The following WASHC3 variants were observed in gnomAD, a reference collection of about 807,000 sequenced individuals.
The protein encoded by WASHC3 is WASH complex subunit 3, also known as WASH complex subunit CCDC53.
Under a neutral mutation model 26.1 loss-of-function variants are expected in WASHC3, and 24 were observed. The ratio of observed to expected loss-of-function variants is 0.92; its 90% CI spans 0.66 to 1.29. The LOEUF (loss-of-function observed/expected upper bound fraction) is 1.29. WASHC3 is among the 50% of genes most tolerant of loss of function. The pLI is 0.00. For synonymous variants in WASHC3, 77 were observed against 75.7 expected, an observed-to-expected ratio of 1.02 and a Z score of -0.09; for missense variants, 214 against 229.6, an observed-to-expected ratio of 0.93 and a Z score of 0.44.
At chr12:102,046,730 C>A (rs931291088) in intron 2 of WASHC3, among the ~76,000 whole-genome samples, 2 of 152,116 alleles carry the variant, frequency 1.3e-5, no homozygotes, top group African/African-American at 4.8e-5. Flanking sequence ...TACTACTGTA[C>A]CTTTAGTGCC....
At chr12:102,062,112 C>T, upstream of WASHC3, 1 of 625,218 alleles carries the variant, frequency 1.6e-6, no homozygotes, top group South Asian at 2.0e-5. Context: ...TCACTAATCA[C>T]TCGGCGGCTT....
intron 2 of WASHC3, chr12:102,050,100 C>G (rs931755195): frequency 2.9e-5 from 8 of 272,038 alleles, no homozygotes; most frequent in African/African-American, 1.9e-4. Flanking sequence ...GGCAGATGAG[C>G]TCAGGAGTTC....
In WASHC3 at chr12:102,061,661, C is replaced by T. The variant is rs954959003; in HGVS notation, c.51+251G>A. On this transcript the variant is annotated intron_variant, in intron 1 of 6. Transcript: ENST00000240079. ...TAGCTATCGCAACCGGCGTGTGTCG[C>T]CGGCGGCAGAGAGACAAGCGAGATG... 3.9e-5 allele frequency among the ~76,000 whole-genome samples: 6 copies of T among 152,180 alleles called. No homozygotes were observed. The South Asian group carries it at 1.0e-3, about 26-fold the overall frequency.
rs142587718 is a variant in WASHC3, at chr12:102,032,318, C to A, written c.436-6280G>T. ...TTGGCAAATATGGTTTCAAAAAATACAAGTCATTAGCTTCTTAATGTGGAA... is the reference window on the plus strand; with the variant it reads ...TTGGCAAATATGGTTTCAAAAAATAAAAGTCATTAGCTTCTTAATGTGGAA... On this transcript the variant is annotated intron_variant, in intron 5 of 6. Transcript: ENST00000240079. Among the ~76,000 whole-genome samples, 1,198 of 152,216 alleles carry A rather than the reference C, an allele frequency of 7.9e-3. 7 individuals carry two copies. Among genetic ancestry groups the A allele is most frequent in the South Asian group, 0.024 (115 of 4,826 alleles).
At chr12:102,041,120 T>C (rs1222734961) in intron 4 of WASHC3, among the ~76,000 whole-genome samples, 2 of 151,352 alleles carry the variant, frequency 1.3e-5, no homozygotes, top group East Asian at 1.9e-4. Flanking sequence ...TATACATATA[T>C]ATACACACAC....
rs1876542336 is a variant in WASHC3, at chr12:102,013,009, C to T, written c.*99G>A. The T allele has an allele frequency of 1.8e-6, 1 of 565,304 alleles. No individual in the cohort carries two copies. The highest frequency in any genetic ancestry group is 3.1e-6 in the Non-Finnish European group (1 of 322,814). The allele number at this position is 565,304 out of a possible 1,614,324, so 35.0% of individuals were successfully genotyped here. A position where few individuals can be genotyped will look rare whatever the true frequency, so the allele number is the denominator to read the frequency against. On this transcript the variant is annotated 3_prime_UTR_variant, in exon 7 of 7. Transcript: ENST00000240079. ...AGAAGCTTGGTAGTGGACATGTGGC[C>T]ATTTGATGTTTTTATGACTAAGAGA...
intron 5 of WASHC3, among the ~76,000 whole-genome samples, chr12:102,027,057 CAAAT>C (rs971795047): frequency 3.3e-5 from 5 of 152,232 alleles, no homozygotes; most frequent in East Asian, 1.9e-4. Flanking sequence ...TTTTAATTGA[CAAAT>C]AATAATTGCA....
chr12:102,055,386 C>A (rs1356829713), intron 2 of WASHC3, among the ~76,000 whole-genome samples: 1 of 152,120 alleles, frequency 6.6e-6, no homozygotes, highest in Admixed American at 6.6e-5. Context: ...TGCTCTGTCA[C>A]CCAGGCTGGA....
intron 6 of WASHC3, among the ~76,000 whole-genome samples, chr12:102,024,811 A>G (rs1877104868): frequency 6.6e-6 from 1 of 152,226 alleles, no homozygotes; most frequent in Non-Finnish European, 1.5e-5. Flanking sequence ...ATGAATACCA[A>G]AATGGATTGA....
chr12:102,048,990 T>A (rs1268378836), intron 2 of WASHC3, among the ~76,000 whole-genome samples: 1 of 152,238 alleles, frequency 6.6e-6, no homozygotes, highest in East Asian at 1.9e-4. Flanking sequence ...AGAGCCATTG[T>A]CAGGTGAAAA....
chr12:102,057,717 C>T (rs1878646544), intron 2 of WASHC3, among the ~76,000 whole-genome samples: 1 of 151,768 alleles, frequency 6.6e-6, no homozygotes, highest in Non-Finnish European at 1.5e-5. Flanking sequence ...GGTGAAAGAT[C>T]TGTACACTGA....
At chr12:102,013,245 C>T in intron 6 of WASHC3, 53 bp from the exon 7 acceptor site, 1 of 826,306 alleles carries the variant, frequency 1.2e-6, no homozygotes, top group Non-Finnish European at 2.0e-6. Flanking sequence ...GAAAAGAGCA[C>T]TTACAAACTC....
intron 5 of WASHC3, among the ~76,000 whole-genome samples, chr12:102,036,785 AG>A (rs1294364692): frequency 1.3e-5 from 2 of 152,192 alleles, no homozygotes; most frequent in Non-Finnish European, 2.9e-5. Flanking sequence ...AAGGAGACAA[AG>A]GGCTAACAAC....
intron 3 of WASHC3, among the ~76,000 whole-genome samples, chr12:102,044,715 A>C (rs1339914148): frequency 2.0e-5 from 3 of 152,222 alleles, no homozygotes; most frequent in Non-Finnish European, 2.9e-5. Context: ...TGTGTGACAC[A>C]GCTCATTCTT....
intron 5 of WASHC3, among the ~76,000 whole-genome samples, chr12:102,030,137 A>C (rs555963050): frequency 1.1e-3 from 165 of 152,036 alleles, no homozygotes; most frequent in African/African-American, 3.8e-3. Flanking sequence ...CTCTACTAAA[A>C]ACACAAAATT....
intron 5 of WASHC3, among the ~76,000 whole-genome samples, chr12:102,036,872 G>C (rs1286062214): frequency 3.3e-5 from 5 of 152,050 alleles, no homozygotes; most frequent in African/African-American, 7.2e-5. Flanking sequence ...GTGACATCAA[G>C]CAAAAAGGAT....
chr12:102,050,276 C>T (rs1463499134), intron 2 of WASHC3: 3 of 454,130 alleles, frequency 6.6e-6, no homozygotes, highest in Non-Finnish European at 1.3e-5. Flanking sequence ...GCATGGGTGA[C>T]AAAGTGAGAC....
intron 5 of WASHC3, among the ~76,000 whole-genome samples, chr12:102,027,562 T>C (rs1432737236): frequency 6.6e-6 from 1 of 152,200 alleles, no homozygotes; most frequent in Non-Finnish European, 1.5e-5. Context: ...CTCATTTTTT[T>C]AATAAGAAAA....
chr12:102,017,950 G>T, intron 6 of WASHC3: 1 of 268,120 alleles, frequency 3.7e-6, no homozygotes, highest in South Asian at 3.4e-5. Context: ...CTGAATCTCT[G>T]TACTCATTTA....
Sources: allele counts gnomAD v4.1 joint callset (sites outside exome capture counted in the v4.1 genomes callset), GRCh38; gene constraint gnomAD v4.1.1; transcripts MANE v1.5; gene names NCBI Gene and HGNC (gene_info 2026-07-23, HGNC 2026-07-21).